Variants in ADAMTS12 observed in about 807,000 individuals in gnomAD.
The protein encoded by ADAMTS12 is A disintegrin and metalloproteinase with thrombospondin motifs 12.
Under a neutral mutation model 167.8 loss-of-function variants are expected in ADAMTS12, and 118 were observed. The observed-to-expected ratio is 0.70, with a 90% CI of 0.61 to 0.82. The LOEUF is 0.82. ADAMTS12 is among the 40% of genes least tolerant of loss of function. The pLI, the probability that ADAMTS12 is intolerant of heterozygous loss-of-function variation, is 0.00. For synonymous variants in ADAMTS12, 704 were observed against 716.9 expected (o/e 0.98, Z 0.29); for missense variants, 1,916 against 1,998.8 (o/e 0.96, Z 0.79).
chr5:33,622,523 G>A (rs113827273), intron 14 of ADAMTS12, among the ~76,000 whole-genome samples: 3,374 of 152,040 alleles, frequency 0.022, 109 homozygotes, highest in African/African-American at 0.069. Flanking sequence ...GTGTGCTGGC[G>A]TGCACCTGTA....
chr5:33,774,420 T>C (rs1440439517), intron 2 of ADAMTS12, among the ~76,000 whole-genome samples: 1 of 152,068 alleles, frequency 6.6e-6, no homozygotes, highest in Non-Finnish European at 1.5e-5. Context: ...TGATTGTACA[T>C]GGTGTTATGA....
chr5:33,697,533 T>C (rs540802811), intron 3 of ADAMTS12, among the ~76,000 whole-genome samples: 76 of 151,780 alleles, frequency 5.0e-4, no homozygotes, highest in Non-Finnish European at 9.1e-4. Context: ...ATTAATCTTT[T>C]ATTCTTTAAT....
intron 2 of ADAMTS12, among the ~76,000 whole-genome samples, chr5:33,792,086 C>A (rs2112459116): frequency 6.6e-6 from 1 of 151,020 alleles, no homozygotes; most frequent in Admixed American, 6.6e-5. Flanking sequence ...CAACCTCTGC[C>A]TCCCAGGCTC....
At chr5:33,715,253 T>C (rs1196635893) in intron 3 of ADAMTS12, among the ~76,000 whole-genome samples, 1 of 152,046 alleles carries the variant, frequency 6.6e-6, no homozygotes, top group African/African-American at 2.4e-5. Context: ...GAGCTTCATA[T>C]GTGGAACTAA....
chr5:33,800,180 CTCAG>C (rs778724051), intron 2 of ADAMTS12, among the ~76,000 whole-genome samples: 83 of 152,248 alleles, frequency 5.5e-4, no homozygotes, highest in Non-Finnish European at 1.0e-3. Context: ...TGGTGAATAG[CTCAG>C]TCAGTCTATA....
chr5:33,773,742 A>C (rs1745823441), intron 2 of ADAMTS12, among the ~76,000 whole-genome samples: 1 of 152,146 alleles, frequency 6.6e-6, no homozygotes, highest in Non-Finnish European at 1.5e-5. Flanking sequence ...ACATACCCCG[A>C]GCTACTGAAA....
At chr5:33,573,518 G>A (rs930371820) in intron 19 of ADAMTS12, among the ~76,000 whole-genome samples, 4 of 152,138 alleles carry the variant, frequency 2.6e-5, no homozygotes, top group Admixed American at 2.0e-4. Context: ...TTTAATAAAT[G>A]GTGCTGGGAA....
Position 33,560,936 on chromosome 5 carries a change from AAC to A in ADAMTS12, c.4125+89_4125+90del, listed in dbSNP as rs201769182. 8 of 1,478,394 alleles carry A rather than the reference AAC, an allele frequency of 5.4e-6. No individual in the cohort carries two copies. The South Asian group carries it at 8.0e-5, about 15-fold the overall frequency. The allele number at this position is 1,478,394 out of a possible 1,614,324, so 91.6% of individuals were successfully genotyped here. A position where few individuals can be genotyped will look rare whatever the true frequency, so the allele number is the denominator to read the frequency against. The stretch of plus-strand genomic sequence containing the variant: ...AATTAAGAAAAAGAAAAAAAAAAAA[AAC>A]GACTTTAGCAAGTGTTTATATAAGA... On this transcript the variant is annotated intron_variant, in intron 20 of 23. Coordinates refer to ENST00000504830, the MANE Select transcript of ADAMTS12 (RefSeq NM_030955.4).
At chr5:33,632,385 C>T (rs1739985038) in intron 12 of ADAMTS12, among the ~76,000 whole-genome samples, 1 of 46,792 alleles carries the variant, frequency 2.1e-5, no homozygotes, top group Non-Finnish European at 6.9e-5. Flanking sequence ...CACATGTGCT[C>T]CCTGAATCCA....
chr5:33,877,408 C>T (rs1248987246), intron 2 of ADAMTS12, among the ~76,000 whole-genome samples: 4 of 152,162 alleles, frequency 2.6e-5, no homozygotes, highest in African/African-American at 9.7e-5. Flanking sequence ...AAAATACTAA[C>T]AACAAATTCA....
intron 3 of ADAMTS12, among the ~76,000 whole-genome samples, chr5:33,684,892 T>G (rs1236821050): frequency 6.6e-6 from 1 of 152,128 alleles, no homozygotes; most frequent in Non-Finnish European, 1.5e-5. Flanking sequence ...TATTCTAACT[T>G]GAAAGAGGTC....
chr5:33,614,083 A>G (rs1016956232), intron 16 of ADAMTS12, among the ~76,000 whole-genome samples, 155 bp downstream of exon 16: 1 of 152,242 alleles, frequency 6.6e-6, no homozygotes, highest in Non-Finnish European at 1.5e-5. Flanking sequence ...TCTTCAAACC[A>G]TGCCCATGTT....
intron 9 of ADAMTS12, among the ~76,000 whole-genome samples, chr5:33,647,119 A>G (rs1051311903): frequency 1.3e-5 from 2 of 152,220 alleles, no homozygotes; most frequent in South Asian, 2.1e-4. Flanking sequence ...TTCCATATAC[A>G]TATAATCAGT....
intron 3 of ADAMTS12, among the ~76,000 whole-genome samples, chr5:33,740,564 T>C (rs773843393): frequency 6.6e-5 from 10 of 152,150 alleles, no homozygotes; most frequent in Non-Finnish European, 1.2e-4. Context: ...CCTGAGTCAC[T>C]TGCCAAATGC....
At chr5:33,701,577 GAGA>G (rs1743005416) in intron 3 of ADAMTS12, among the ~76,000 whole-genome samples, 2 of 152,256 alleles carry the variant, frequency 1.3e-5, no homozygotes, top group African/African-American at 2.4e-5. Context: ...TAGAATTACT[GAGA>G]AGTTCTCTTC....
Position 33,624,320 on chromosome 5 carries a change from T to C in ADAMTS12, c.2054A>G (p.Asn685Ser), listed in dbSNP as rs200095295. The change falls in exon 14 of 24, where the codon AAT (asparagine) becomes AGT (serine). Residue 685 changes from asparagine to serine, a missense_variant. Physicochemically the swap from Asn to Ser is conservative, Grantham distance 46 (BLOSUM62 1). Coordinates refer to ENST00000504830, the MANE Select transcript of ADAMTS12 (RefSeq NM_030955.4). ...CACACCGCAGCGATCCTCGGTGGCA[T>C]TGGAATCGATCTCATAGTCACAGCC... ...MVGCDYEIDS[N>S]ATEDRCGVCL... 3.7e-6 allele frequency: 6 copies of C among 1,614,014 alleles called. No individual in the cohort carries two copies. Among genetic ancestry groups the C allele is most frequent in the East Asian group, 2.2e-5 (1 of 44,856 alleles).
intron 2 of ADAMTS12, among the ~76,000 whole-genome samples, chr5:33,796,465 T>C (rs935249605): frequency 2.6e-5 from 4 of 152,346 alleles, no homozygotes; most frequent in Admixed American, 2.0e-4. Flanking sequence ...TATATTAATA[T>C]AGGTATGTAG....
chr5:33,656,948 T>C (rs568635106), intron 7 of ADAMTS12, among the ~76,000 whole-genome samples: 1 of 152,318 alleles, frequency 6.6e-6, no homozygotes, highest in Non-Finnish European at 1.5e-5. Flanking sequence ...TAACTAAGGA[T>C]ACTGGAATAT....
At chr5:33,750,791 G>T (rs1744944552) in intron 3 of ADAMTS12, among the ~76,000 whole-genome samples, 1 of 152,174 alleles carries the variant, frequency 6.6e-6, no homozygotes, top group Admixed American at 6.5e-5. Context: ...AGGCCAAGAG[G>T]ACCAATTCAG....
Sources: gnomAD v4.1 joint callset for allele counts (sites outside exome capture counted in the v4.1 genomes callset) on GRCh38, gnomAD v4.1.1 for gene constraint, MANE v1.5 for transcripts, NCBI Gene and HGNC (gene_info 2026-07-23, HGNC 2026-07-21) for gene names.